The following ENTPD5 variants were observed in gnomAD, a reference collection of about 807,000 sequenced individuals.
ENTPD5 encodes the protein nucleoside diphosphate phosphatase ENTPD5.
A neutral mutation model predicts 60.2 loss-of-function variants in ENTPD5; 49 were observed. The observed-to-expected ratio is 0.81, with a 90% CI of 0.65 to 1.03. The LOEUF is 1.03. Among genes scored for constraint, ENTPD5 ranks in the 50% least tolerant of loss-of-function variants. The pLI is 0.00. For missense variants in ENTPD5, 480 were observed against 507.6 expected (o/e 0.95, Z 0.52); for synonymous variants, 187 against 185.4 (o/e 1.01, Z -0.07).
downstream of ENTPD5, among the ~76,000 whole-genome samples, chr14:73,956,947 G>T (rs1365135740): frequency 6.6e-6 from 1 of 152,104 alleles, no homozygotes; most frequent in Non-Finnish European, 1.5e-5. Flanking sequence ...GATCACACTT[G>T]TGTGTGCATG....
chr14:73,988,004 G>T lies in ENTPD5; in HGVS notation c.99C>A (p.Ile33=). ...TGATGGGGCACATGGAAGACAGGAA[G>T]ATACCCTCAAACCAAGTCTGCTGGT... The part of the protein sequence containing the change: ...HRNQQTWFEG[I]FLSSMCPINV... Residue 33 remains isoleucine (I), a synonymous_variant, in exon 4 of 16, where the codon ATC becomes ATA. Coordinates refer to ENST00000334696, the MANE Select transcript of ENTPD5 (RefSeq NM_001249.5). The T allele has an allele frequency of 2.5e-6, 4 of 1,614,174 alleles. No homozygotes were observed. Among genetic ancestry groups the T allele is most frequent in the Non-Finnish European group, 3.4e-6 (4 of 1,180,042 alleles).
rs1206533110 is a variant in ENTPD5 at position 73,972,928 on chromosome 14, G to A, written c.983C>T (p.Ala328Val). The change falls in exon 13 of 16, where the codon GCT becomes GTT. Residue 328 changes from alanine to valine, a missense_variant. Transcript: ENST00000334696. ...PEEVQRGSFY[A>V]FSYYYDRAVD... ...AGCTCGGTCATAATAGTAAGAGAAAGCATAGAAGGAACCTCTCTGGACCTC... is the reference window on the plus strand; with the variant it reads ...AGCTCGGTCATAATAGTAAGAGAAAACATAGAAGGAACCTCTCTGGACCTC... The A allele has an allele frequency of 6.2e-7, 1 of 1,614,232 alleles. No individual in the cohort carries two copies. The highest frequency in any genetic ancestry group is 8.5e-7 in the Non-Finnish European group (1 of 1,180,042).
At position 73,976,422 on chromosome 14, in the gene ENTPD5, G is replaced by A. The variant is rs753755511; in HGVS notation, c.554-10C>T. 3.2e-5 allele frequency: 52 copies of A among 1,612,500 alleles called. No homozygotes were observed. The highest frequency in any genetic ancestry group is 4.2e-5 in the Non-Finnish European group (49 of 1,178,628). On this transcript the variant is annotated splice_polypyrimidine_tract_variant and intron_variant, in intron 8 of 15. Coordinates refer to ENST00000334696, the MANE Select transcript of ENTPD5 (RefSeq NM_001249.5). Reference sequence around the variant, plus strand: ...TGGCCATGCAGCTGACCTGTCAAATGAGAGCCAGCTCTAAATAGCCTCGAC... The same window carrying A: ...TGGCCATGCAGCTGACCTGTCAAATAAGAGCCAGCTCTAAATAGCCTCGAC...
At chr14:74,009,503 T>G (rs1377326242) in intron 3 of ENTPD5, among the ~76,000 whole-genome samples, 1 of 152,246 alleles carries the variant, frequency 6.6e-6, no homozygotes, top group Non-Finnish European at 1.5e-5. Flanking sequence ...AATGATAGTT[T>G]CATGTATAAA....
In ENTPD5 at chr14:73,964,331, G is replaced by C. The variant is rs2056885957; in HGVS notation, c.*2597C>G. 1 of 152,134 alleles carries C rather than the reference G, an allele frequency of 6.6e-6. No individual in the cohort carries two copies. Among genetic ancestry groups the C allele is most frequent in the African/African-American group, 2.4e-5 (1 of 41,406 alleles). The allele number at this position is 152,134 out of a possible 1,614,324, so 9.4% of individuals were successfully genotyped here. On this transcript the variant is annotated 3_prime_UTR_variant, in exon 16 of 16. Transcript: ENST00000334696. Reference sequence around the variant, plus strand: ...CTGTAGGACCTCTTAAGCCCAAAGGGTCTACTGCAGGCAGGATGGGCGTTA... The same window carrying C: ...CTGTAGGACCTCTTAAGCCCAAAGGCTCTACTGCAGGCAGGATGGGCGTTA...
At chr14:73,981,103 AAAAT>A (rs542711298) in intron 6 of ENTPD5, among the ~76,000 whole-genome samples, 9 of 151,866 alleles carry the variant, frequency 5.9e-5, no homozygotes, top group South Asian at 2.1e-4. Flanking sequence ...CGCCTCTCAA[AAAAT>A]AAATAAATAA....
intron 2 of ENTPD5, 85 bp downstream of exon 2, chr14:74,015,739 G>C (rs147911587): frequency 6.6e-6 from 1 of 152,100 alleles, no homozygotes; most frequent in African/African-American, 2.4e-5. Flanking sequence ...GCAAAAAACA[G>C]AGAATTAAAT....
intron 13 of ENTPD5, 37 bp from the exon 14 acceptor site, chr14:73,971,945 C>G: frequency 7.8e-7 from 1 of 1,275,402 alleles, no homozygotes; most frequent in South Asian, 1.2e-5. Context: ...TATCAAAACG[C>G]CTTCAAGGAA....
At chr14:74,001,699 A>AAG (rs2058516308) in intron 3 of ENTPD5, among the ~76,000 whole-genome samples, 41 of 118,182 alleles carry the variant, frequency 3.5e-4, no homozygotes, top group African/African-American at 1.3e-3. Context: ...AAAAAAAAAA[A>AAG]AAGCCAGGCA....
rs141557974 is a variant in ENTPD5 at position 74,012,668 on chromosome 14, C to T, written c.-130-1518G>A. The stretch of plus-strand genomic sequence containing the variant: ...TTGCAGTAAACTGGAGAGCATGTGT[C>T]CCATCTAAAGGGGCAGCTTCTTGCT... On this transcript the variant is annotated intron_variant, in intron 2 of 15. Coordinates refer to ENST00000334696, the MANE Select transcript of ENTPD5 (RefSeq NM_001249.5). Among the ~76,000 whole-genome samples the T allele has an allele frequency of 2.7e-3, 417 of 152,188 alleles. 2 individuals carry two copies. Among genetic ancestry groups the T allele is most frequent in the Middle Eastern group, 6.8e-3 (2 of 294 alleles).
chr14:73,987,685 A>G (rs2140638183), intron 4 of ENTPD5, among the ~76,000 whole-genome samples: 1 of 152,338 alleles, frequency 6.6e-6, no homozygotes, highest in Middle Eastern at 3.4e-3. Flanking sequence ...AAAAAAAGTT[A>G]AAAAATAAAA....
At chr14:73,961,044 C>G (rs1272942999), downstream of ENTPD5, 2 of 1,077,684 alleles carry the variant, frequency 1.9e-6, no homozygotes, top group Non-Finnish European at 2.7e-6. Flanking sequence ...TATCACTTGT[C>G]AAGATCAGTG....
At position 73,983,162 on chromosome 14, in the gene ENTPD5, C is replaced by T; in HGVS notation, c.298-1G>A. 6.2e-7 allele frequency: 1 copy of T among 1,609,390 alleles called. No individual in the cohort carries two copies. Among genetic ancestry groups the T allele is most frequent in the Non-Finnish European group, 8.5e-7 (1 of 1,177,652 alleles). On this transcript the variant is annotated splice_acceptor_variant, in intron 5 of 15. Transcript: ENST00000334696. LOFTEE classifies it high-confidence loss of function. Reference sequence around the variant, plus strand: ...AGAGCCCTTGAACGGTCTCAGCACCCTTCAAAAGAGATAACCCGTTCATCT... The same window carrying T: ...AGAGCCCTTGAACGGTCTCAGCACCTTTCAAAAGAGATAACCCGTTCATCT...
At chr14:73,956,067 G>A (rs1370581993), downstream of ENTPD5, 9 of 1,244,964 alleles carry the variant, frequency 7.2e-6, no homozygotes, top group Admixed American at 8.7e-5. Flanking sequence ...GCTCACGCCT[G>A]TAATCCCAGC....
At chr14:73,994,705 T>C (rs1398774979) in intron 3 of ENTPD5, among the ~76,000 whole-genome samples, 2 of 146,046 alleles carry the variant, frequency 1.4e-5, no homozygotes, top group African/African-American at 2.5e-5. Context: ...CACTCCAGCC[T>C]GGGCGACAGA....
At chr14:73,969,573 G>A (rs557785374) in intron 15 of ENTPD5, among the ~76,000 whole-genome samples, 19 of 152,108 alleles carry the variant, frequency 1.2e-4, no homozygotes, top group East Asian at 9.7e-4. Context: ...GAGTGGTGGC[G>A]CATGCCTGTA....
chr14:73,995,152 G>A (rs939839460), intron 3 of ENTPD5, among the ~76,000 whole-genome samples: 4 of 151,266 alleles, frequency 2.6e-5, no homozygotes, highest in East Asian at 3.9e-4. Flanking sequence ...GGGTTCAAGC[G>A]ATTCTCATGC....
At chr14:73,983,424 A>C (rs2057772394) in intron 5 of ENTPD5, among the ~76,000 whole-genome samples, 1 of 152,066 alleles carries the variant, frequency 6.6e-6, no homozygotes, top group Non-Finnish European at 1.5e-5. Context: ...GGAGTTTGAG[A>C]TCAGCCTGAC....
chr14:73,976,927 GAAGA>G, intron 8 of ENTPD5, 93 bp downstream of exon 8: 1 of 1,123,100 alleles, frequency 8.9e-7, no homozygotes, highest in Non-Finnish European at 1.3e-6. Context: ...TTTTAAAGAA[GAAGA>G]AACAATACAG....
Sources: gnomAD v4.1 joint callset for allele counts (sites outside exome capture counted in the v4.1 genomes callset) on GRCh38, gnomAD v4.1.1 for gene constraint, MANE v1.5 for transcripts, NCBI Gene and HGNC (gene_info 2026-07-23, HGNC 2026-07-21) for gene names.